Variants in DLG3 observed in about 807,000 individuals in gnomAD.
DLG3 encodes discs large MAGUK scaffold protein 3.
In DLG3, 1 loss-of-function variant was observed where a neutral mutation model predicts 64.1. The ratio of observed to expected loss-of-function variants is 0.02; its 90% CI spans 0.01 to 0.07. The LOEUF (loss-of-function observed/expected upper bound fraction) is 0.07. Ranked by LOEUF, DLG3 falls within the 10% of genes least tolerant of loss-of-function variation. DLG3 has a pLI of 1.00. For missense variants in DLG3, 429 were observed against 669.5 expected (o/e 0.64, Z 3.96); for synonymous variants, 245 against 259.8 (o/e 0.94, Z 0.55).
intron 9 of DLG3, among the ~76,000 whole-genome samples, chrX:70,469,446 CTTT>C (rs869146273): frequency 1.0e-5 from 1 of 99,239 alleles, no homozygotes; most frequent in Non-Finnish European, 2.1e-5. Context: ...CCATTTCTTT[CTTT>C]TTTTTTTTTT....
chrX:70,492,373 C>T (rs1478830113), intron 11 of DLG3, 90 bp downstream of exon 11: 19 of 1,138,779 alleles, frequency 1.7e-5, no homozygotes, highest in Admixed American at 6.8e-5. Flanking sequence ...TTGAGAGCAA[C>T]GTTTGTGCCT....
chrX:70,501,413 CTGTGTGTGTGTG>C (rs58272461), intron 18 of DLG3, among the ~76,000 whole-genome samples: 1 of 93,883 alleles, frequency 1.1e-5, no homozygotes, highest in Non-Finnish European at 2.1e-5. Flanking sequence ...GTCTGTCTGT[CTGTGTGTGTGTG>C]TGTGTGTGTG....
intron 5 of DLG3, 162 bp downstream of exon 5, chrX:70,450,467 T>C: frequency 1.1e-6 from 1 of 917,615 alleles, no homozygotes. Context: ...CCCTAATTCT[T>C]TCTGTGGCCA....
chrX:70,457,970 A>G (rs774432806), intron 9 of DLG3, among the ~76,000 whole-genome samples: 4 of 111,125 alleles, frequency 3.6e-5, no homozygotes, highest in Non-Finnish European at 7.5e-5. Flanking sequence ...CTGCCCCTCA[A>G]GCTCAAGCCA....
intron 18 of DLG3, among the ~76,000 whole-genome samples, chrX:70,501,704 G>A (rs1380733573): frequency 9.0e-6 from 1 of 110,727 alleles, no homozygotes; most frequent in Non-Finnish European, 1.9e-5. Flanking sequence ...GGGCCCAGGA[G>A]CGCTGCCTCT....
intron 17 of DLG3, 77 bp downstream of exon 17, chrX:70,500,657 G>A: frequency 1.1e-6 from 1 of 893,040 alleles, no homozygotes; most frequent in Non-Finnish European, 1.6e-6. Context: ...AAAGTGATTT[G>A]CTGGGCAGAA....
In DLG3 at chrX:70,450,745, A is replaced by G; in HGVS notation, c.947A>G (p.His316Arg). ...YLKVAKPGSL[H>R]LNDMYAPPDY... ...AAGGTGGCCAAGCCAGGCAGCCTCC[A>G]CCTCAACGACATGTACGCTCCCCCT... Residue 316 changes from histidine (H) to arginine (R), a missense_variant, in exon 6 of 19, where the codon CAC (histidine) becomes CGC (arginine). Coordinates refer to ENST00000374360, the MANE Select transcript of DLG3 (RefSeq NM_021120.4). The G allele has an allele frequency of 8.3e-7, 1 of 1,211,203 alleles. No individual in the cohort carries two copies. Among genetic ancestry groups the G allele is most frequent in the African/African-American group, 1.7e-5 (1 of 57,571 alleles).
At chrX:70,479,633 A>AT (rs1302247714) in intron 10 of DLG3, among the ~76,000 whole-genome samples, 1 of 111,597 alleles carries the variant, frequency 9.0e-6, no homozygotes, top group Non-Finnish European at 1.9e-5. Flanking sequence ...TGTATGCATA[A>AT]TAGACATCAG....
chrX:70,464,507 C>T (rs187337743), intron 9 of DLG3, among the ~76,000 whole-genome samples: 44 of 111,699 alleles, frequency 3.9e-4, no homozygotes, highest in East Asian at 1.7e-3. Context: ...GTGATTCCCT[C>T]GCCTCCGCCT....
intron 12 of DLG3, among the ~76,000 whole-genome samples, chrX:70,494,163 A>T (rs1198479517): frequency 1.8e-5 from 2 of 112,795 alleles, no homozygotes; most frequent in African/African-American, 6.4e-5. Flanking sequence ...TTGGTTCGGT[A>T]GGAAGAGCAG....
At chrX:70,492,467 A>G (rs2087375490) in intron 11 of DLG3, 54 bp from the exon 12 acceptor site, 2 of 1,168,348 alleles carry the variant, frequency 1.7e-6, no homozygotes, top group Admixed American at 2.2e-5. Flanking sequence ...GCTGCAACCC[A>G]CTGCTGAGAC....
intron 9 of DLG3, among the ~76,000 whole-genome samples, chrX:70,478,157 T>C (rs1024215587): frequency 1.8e-5 from 2 of 112,573 alleles, no homozygotes; most frequent in Admixed American, 9.4e-5. Flanking sequence ...TACCCCATTT[T>C]ATGCGGCAAT....
chrX:70,448,766 G>A, intron 1 of DLG3, 147 bp from the exon 2 acceptor site: 1 of 956,834 alleles, frequency 1.0e-6, no homozygotes, highest in South Asian at 2.1e-5. Flanking sequence ...TTCCAGGTCA[G>A]CCTGTCCTCA....
At chrX:70,497,056 G>T (rs1415914949) in intron 13 of DLG3, 3 of 666,130 alleles carry the variant, frequency 4.5e-6, no homozygotes, top group Non-Finnish European at 7.3e-6. Context: ...GATGTGGCAG[G>T]CCTCTGGTGG....
At chrX:70,479,611 C>G (rs2087117842) in intron 10 of DLG3, among the ~76,000 whole-genome samples, 1 of 111,687 alleles carries the variant, frequency 9.0e-6, no homozygotes, top group South Asian at 3.8e-4. Context: ...GCCACCCCCC[C>G]ATCCCCTTCC....
intron 10 of DLG3, among the ~76,000 whole-genome samples, chrX:70,487,057 A>G (rs192989925): frequency 1.1e-4 from 12 of 112,497 alleles, no homozygotes; most frequent in Non-Finnish European, 1.9e-4. Context: ...GGTCTAATTT[A>G]CATACTTTTT....
intron 9 of DLG3, among the ~76,000 whole-genome samples, chrX:70,464,229 CT>C (rs758285465): frequency 1.1e-5 from 1 of 88,813 alleles, no homozygotes; most frequent in Non-Finnish European, 2.2e-5. Context: ...CCTTTCCTTT[CT>C]CTTTCCTTTC....
At position 70,445,488 on chromosome X, in the gene DLG3, C is replaced by T; in HGVS notation, c.287C>T (p.Pro96Leu). The change falls in exon 1 of 19, where the codon CCC becomes CTC. Residue 96 changes from proline to leucine, a missense_variant. By Grantham distance (98) the Pro-to-Leu change is moderately conservative. Transcript: ENST00000374360. ...PPKPVPGKST[P>L]KLNGSGPSWW... Reference sequence around the variant, plus strand: ...AAGCCAGTCCCGGGCAAGAGCACCCCCAAACTCAACGGCAGCGGCCCCAGC... The same window carrying T: ...AAGCCAGTCCCGGGCAAGAGCACCCTCAAACTCAACGGCAGCGGCCCCAGC... 8.3e-7 allele frequency: 1 copy of T among 1,199,942 alleles called. No homozygotes were observed. Among genetic ancestry groups the T allele is most frequent in the Non-Finnish European group, 1.1e-6 (1 of 890,002 alleles).
chrX:70,502,439 A>G lies in DLG3; in HGVS notation c.*170A>G, dbSNP rs1439574106. 1 of 429,699 alleles carries G rather than the reference A, an allele frequency of 2.3e-6. No individual in the cohort carries two copies. The allele number at this position is 429,699 out of a possible 1,213,427, so 35.4% of individuals were successfully genotyped here. On this transcript the variant is annotated 3_prime_UTR_variant, in exon 19 of 19. Transcript: ENST00000374360. ...TAGTCCTGTTCTTTTTTTTTTTTTA[A>G]GTTTTTGTTTGTTTCAGTTTATTTT...
Sources: gnomAD v4.1 joint callset for allele counts (sites outside exome capture counted in the v4.1 genomes callset) on GRCh38, gnomAD v4.1.1 for gene constraint, MANE v1.5 for transcripts, NCBI Gene and HGNC (gene_info 2026-07-23, HGNC 2026-07-21) for gene names.